SMIM36: variants seen among roughly 807,000 people sequenced by gnomAD.
SMIM36 encodes the protein small integral membrane protein 36.
At chr17:55,512,596 C>T (rs183089714), upstream of SMIM36, among the ~76,000 whole-genome samples, 21 of 152,342 alleles carry the variant, frequency 1.4e-4, no homozygotes, top group Admixed American at 8.5e-4. Context: ...CCAATAGTCC[C>T]GCATAGGCTA....
intron 1 of SMIM36, among the ~76,000 whole-genome samples, chr17:55,489,342 C>T (rs890291300): frequency 6.6e-6 from 1 of 151,854 alleles, no homozygotes; most frequent in East Asian, 1.9e-4. Context: ...CACTCCACTG[C>T]ACTCTTGCCT....
the SMIM36 span, among the ~76,000 whole-genome samples, chr17:55,529,387 C>T: frequency 5.3e-5 from 8 of 152,186 alleles, no homozygotes; most frequent in African/African-American, 1.9e-4. Context: ...CTTTGGGAGG[C>T]TGAGATGTGT....
intron 1 of SMIM36, among the ~76,000 whole-genome samples, chr17:55,484,917 T>C (rs1489355375): frequency 2.3e-5 from 3 of 128,942 alleles, no homozygotes; most frequent in Non-Finnish European, 5.3e-5. Context: ...TTAAGAAATA[T>C]TAGGACCAAA....
the SMIM36 span, among the ~76,000 whole-genome samples, chr17:55,523,070 A>G: frequency 6.6e-6 from 1 of 152,318 alleles, no homozygotes; most frequent in Admixed American, 6.5e-5. Context: ...CTGAATTGTG[A>G]TTTCCAGAAT....
At chr17:55,477,789 A>G (rs1246353444) in intron 3 of SMIM36, among the ~76,000 whole-genome samples, 1 of 151,968 alleles carries the variant, frequency 6.6e-6, no homozygotes, top group Non-Finnish European at 1.5e-5. Flanking sequence ...GAGGATAAAA[A>G]GGGATAATGT....
chr17:55,514,368 G>A (rs1013130618), upstream of SMIM36, among the ~76,000 whole-genome samples: 1 of 152,122 alleles, frequency 6.6e-6, no homozygotes, highest in Non-Finnish European at 1.5e-5. Flanking sequence ...TATGAATTGT[G>A]CACTTACCAT....
chr17:55,502,479 G>T (rs1293559027), intron 1 of SMIM36, among the ~76,000 whole-genome samples: 15 of 107,748 alleles, frequency 1.4e-4, no homozygotes, highest in Middle Eastern at 4.0e-3. Context: ...CACCTCACAC[G>T]GCAGGGTATT....
chr17:55,525,840 T>A, the SMIM36 span, among the ~76,000 whole-genome samples: 3 of 152,148 alleles, frequency 2.0e-5, no homozygotes, highest in Non-Finnish European at 4.4e-5. Context: ...GTATTTTTAG[T>A]AGAGATGGGG....
At chr17:55,530,274 A>C in the SMIM36 span, among the ~76,000 whole-genome samples, 5 of 152,218 alleles carry the variant, frequency 3.3e-5, no homozygotes, top group Non-Finnish European at 7.3e-5. Context: ...ATTACAAATC[A>C]ATCCAGCCCA....
chr17:55,528,176 T>C, the SMIM36 span: 1 of 152,258 alleles, frequency 6.6e-6, no homozygotes, highest in South Asian at 2.1e-4. Context: ...TACATTGTGT[T>C]ATCTCATTGT....
chr17:55,496,505 C>T (rs1056407532), intron 1 of SMIM36, among the ~76,000 whole-genome samples: 1 of 152,166 alleles, frequency 6.6e-6, no homozygotes, highest in Non-Finnish European at 1.5e-5. Context: ...GGAACACTGG[C>T]AGCCCAAGAA....
At chr17:55,502,926 T>A (rs201065543) in intron 1 of SMIM36, among the ~76,000 whole-genome samples, 13,930 of 147,728 alleles carry the variant, frequency 0.094, 947 homozygotes, top group East Asian at 0.25. Context: ...ACGTGAAGAA[T>A]GCAGAAGCCT....
At chr17:55,490,648 C>G (rs946026213) in intron 1 of SMIM36, among the ~76,000 whole-genome samples, 1 of 152,188 alleles carries the variant, frequency 6.6e-6, no homozygotes, top group African/African-American at 2.4e-5. Flanking sequence ...TTTCCTACTT[C>G]AAGCACTTTC....
At chr17:55,460,812 T>C (rs1389171797) in intron 4 of SMIM36, among the ~76,000 whole-genome samples, 1 of 152,120 alleles carries the variant, frequency 6.6e-6, no homozygotes, top group African/African-American at 2.4e-5. Context: ...GAGCCGAGAC[T>C]GTGCCACTGC....
chr17:55,514,952 A>T (rs904443075), upstream of SMIM36, among the ~76,000 whole-genome samples: 7 of 152,214 alleles, frequency 4.6e-5, no homozygotes, highest in Admixed American at 1.3e-4. Context: ...AAACTTATTT[A>T]AAAAAGCATT....
chr17:55,479,432 A>G (rs190464441), intron 2 of SMIM36, 28 bp downstream of exon 2: 1 of 152,148 alleles, frequency 6.6e-6, no homozygotes, highest in Admixed American at 6.6e-5. Flanking sequence ...TAAAAATACA[A>G]AAAGTAGGTG....
intron 1 of SMIM36, among the ~76,000 whole-genome samples, chr17:55,508,466 A>G (rs1910123028): frequency 8.5e-6 from 1 of 117,288 alleles, no homozygotes; most frequent in Non-Finnish European, 1.8e-5. Context: ...ATATATATAT[A>G]TATGAACCTG....
intron 1 of SMIM36, among the ~76,000 whole-genome samples, chr17:55,484,193 C>T (rs1404495821): frequency 6.6e-6 from 1 of 152,116 alleles, no homozygotes; most frequent in African/African-American, 2.4e-5. Flanking sequence ...AAATTGGACA[C>T]TACTTGAAGT....
chr17:55,473,153 A>C (rs1206503563), intron 3 of SMIM36, among the ~76,000 whole-genome samples: 1 of 152,080 alleles, frequency 6.6e-6, no homozygotes, highest in Non-Finnish European at 1.5e-5. Context: ...TCCATGTGGG[A>C]TACCAGCCTC....
Sources: allele counts gnomAD v4.1 joint callset (sites outside exome capture counted in the v4.1 genomes callset), GRCh38; gene constraint gnomAD v4.1.1; transcripts MANE v1.5; gene names NCBI Gene and HGNC (gene_info 2026-07-23, HGNC 2026-07-21).